PHF21B: variants seen among roughly 807,000 people sequenced by gnomAD.
PHF21B encodes the protein PHD finger protein 21B.
Under a neutral mutation model 62.2 loss-of-function variants are expected in PHF21B, and 22 were observed. That is an observed-to-expected ratio of 0.35 (90% confidence interval 0.25 to 0.51). The LOEUF is 0.51. PHF21B is among the 20% of genes least tolerant of loss of function. The pLI is 0.97. For synonymous variants in PHF21B, 341 were observed against 314.7 expected (o/e 1.08, Z -0.88); for missense variants, 701 against 707.9 (o/e 0.99, Z 0.11).
chr22:44,930,572 G>A (rs1028765269), intron 2 of PHF21B, among the ~76,000 whole-genome samples: 1 of 152,090 alleles, frequency 6.6e-6, no homozygotes, highest in East Asian at 1.9e-4. Flanking sequence ...GGTGGTGGGA[G>A]GGGCAGAGGC....
intron 2 of PHF21B, among the ~76,000 whole-genome samples, chr22:44,992,023 C>T (rs544290086): frequency 3.8e-4 from 58 of 152,324 alleles, no homozygotes; most frequent in African/African-American, 1.3e-3. Context: ...CGCACTTGGT[C>T]GGGTCTCACC....
intron 5 of PHF21B, among the ~76,000 whole-genome samples, chr22:44,913,089 G>A (rs946474593): frequency 6.6e-6 from 1 of 152,120 alleles, no homozygotes; most frequent in African/African-American, 2.4e-5. Flanking sequence ...CATCAGTGCA[G>A]GGGCTGCGCA....
rs1222702803 is a variant in PHF21B, at chr22:44,887,860, C to CT, written c.1197+102dup. ...TTGTGCTGAGGTTGAAAAAGCCTTCCTATACCCAAGCCCCTTTTTTCACCC... is the reference window on the plus strand; with the variant it reads ...TTGTGCTGAGGTTGAAAAAGCCTTCCTTATACCCAAGCCCCTTTTTTCACCC... On this transcript the variant is annotated intron_variant, in intron 10 of 12. Coordinates refer to ENST00000313237, the MANE Select transcript of PHF21B (RefSeq NM_138415.5). 1.8e-5 allele frequency: 22 copies of CT among 1,248,138 alleles called. No individual in the cohort carries two copies. In the Admixed American group the frequency reaches 2.4e-4, roughly 14 times the overall value. The allele number at this position is 1,248,138 out of a possible 1,614,324, so 77.3% of individuals were successfully genotyped here. A position where few individuals can be genotyped will look rare whatever the true frequency, so the allele number is the denominator to read the frequency against.
chr22:44,968,042 G>C (rs2072563442), intron 2 of PHF21B, among the ~76,000 whole-genome samples: 3 of 152,116 alleles, frequency 2.0e-5, no homozygotes, highest in African/African-American at 7.2e-5. Context: ...TGTTGGTGTT[G>C]ACCTTGGTGA....
At chr22:44,968,256 A>G (rs1381655476) in intron 2 of PHF21B, among the ~76,000 whole-genome samples, 1 of 152,148 alleles carries the variant, frequency 6.6e-6, no homozygotes, top group Admixed American at 6.5e-5. Flanking sequence ...TTATTCATTT[A>G]TTGAATCATT....
chr22:44,950,580 T>G (rs2072173407), intron 2 of PHF21B, among the ~76,000 whole-genome samples: 1 of 152,146 alleles, frequency 6.6e-6, no homozygotes, highest in Admixed American at 6.5e-5. Context: ...TTCGTGTTTT[T>G]TTTTTTCTTT....
chr22:45,006,639 G>C (rs78430780), intron 2 of PHF21B, among the ~76,000 whole-genome samples: 1,634 of 152,244 alleles, frequency 0.011, 13 homozygotes, highest in Non-Finnish European at 0.016. Flanking sequence ...TCAAACCCAA[G>C]CTCAGAAGAG....
chr22:44,991,509 C>G (rs956579071), intron 2 of PHF21B, among the ~76,000 whole-genome samples: 3 of 152,142 alleles, frequency 2.0e-5, no homozygotes, highest in African/African-American at 7.2e-5. Context: ...CACACAGCTT[C>G]GGCCCAGGAG....
At chr22:44,932,431 G>A (rs895741838) in intron 2 of PHF21B, among the ~76,000 whole-genome samples, 6 of 152,186 alleles carry the variant, frequency 3.9e-5, no homozygotes, top group Non-Finnish European at 8.8e-5. Context: ...ATCTGGAGTG[G>A]CCGCCACCAC....
At position 44,965,088 on chromosome 22, in the gene PHF21B, A is replaced by G. The variant is rs953804660; in HGVS notation, c.120+43457T>C. Among the ~76,000 whole-genome samples, 4 of 152,056 alleles carry G rather than the reference A, an allele frequency of 2.6e-5. No individual in the cohort carries two copies. In the South Asian group the frequency reaches 8.3e-4, roughly 32 times the overall value. ...AGGGTGCCTGCAATGTGGCGTGAAC[A>G]CCGCAGCCACTCTGAGTCCCAGCCT... On this transcript the variant is annotated intron_variant, in intron 2 of 12. Transcript: ENST00000313237.
chr22:44,899,045 T>A (rs1420266947), intron 5 of PHF21B, among the ~76,000 whole-genome samples: 1 of 152,186 alleles, frequency 6.6e-6, no homozygotes, highest in Non-Finnish European at 1.5e-5. Context: ...GGCTTTAGGG[T>A]CTATTTTAAT....
intron 2 of PHF21B, among the ~76,000 whole-genome samples, chr22:44,946,408 T>C (rs1277543142): frequency 6.6e-6 from 1 of 151,788 alleles, no homozygotes; most frequent in African/African-American, 2.4e-5. Context: ...GCGTAGGGAG[T>C]AGGTCATGTC....
At chr22:44,931,912 GAGA>G (rs2071750334) in intron 2 of PHF21B, among the ~76,000 whole-genome samples, 1 of 152,220 alleles carries the variant, frequency 6.6e-6, no homozygotes, top group Admixed American at 6.5e-5. Context: ...CCTGCTCTCA[GAGA>G]AGGACTGGCA....
At chr22:44,915,974 T>C (rs1359423576) in intron 4 of PHF21B, among the ~76,000 whole-genome samples, 1 of 152,246 alleles carries the variant, frequency 6.6e-6, no homozygotes, top group Non-Finnish European at 1.5e-5. Flanking sequence ...ATCATTTGAA[T>C]GAATTCATTC....
intron 2 of PHF21B, among the ~76,000 whole-genome samples, chr22:44,964,427 C>A (rs530108429): frequency 9.2e-5 from 14 of 152,342 alleles, no homozygotes; most frequent in Non-Finnish European, 1.6e-4. Flanking sequence ...GCAGCTCAGG[C>A]CCGGCCATTT....
chr22:44,933,115 C>CTTTT (rs35793325), intron 2 of PHF21B, among the ~76,000 whole-genome samples: 1 of 141,008 alleles, frequency 7.1e-6, no homozygotes, highest in Non-Finnish European at 1.5e-5. Context: ...TCTTCTATTT[C>CTTTT]TTTTTTTTTT....
chr22:44,965,981 C>A (rs916244383), intron 2 of PHF21B, among the ~76,000 whole-genome samples: 1 of 152,232 alleles, frequency 6.6e-6, no homozygotes, highest in Non-Finnish European at 1.5e-5. Flanking sequence ...CCGGCTCCCA[C>A]GGGCCTGCTC....
At chr22:44,952,660 G>A (rs995344880) in intron 2 of PHF21B, among the ~76,000 whole-genome samples, 4 of 152,130 alleles carry the variant, frequency 2.6e-5, no homozygotes, top group African/African-American at 7.2e-5. Context: ...TATCCTTTAC[G>A]ATACTTTCCA....
chr22:44,943,415 T>A (rs1430456884), intron 2 of PHF21B, among the ~76,000 whole-genome samples: 1 of 152,144 alleles, frequency 6.6e-6, no homozygotes, highest in South Asian at 2.1e-4. Context: ...CTGAGCTAGA[T>A]CCCAGGGAAG....
Sources: gnomAD v4.1 joint callset for allele counts (sites outside exome capture counted in the v4.1 genomes callset) on GRCh38, gnomAD v4.1.1 for gene constraint, MANE v1.5 for transcripts, NCBI Gene and HGNC (gene_info 2026-07-23, HGNC 2026-07-21) for gene names.